GNAQ: variants seen among roughly 807,000 people sequenced by gnomAD.
The protein encoded by GNAQ is G protein subunit alpha q.
Under a neutral mutation model 43.9 loss-of-function variants are expected in GNAQ, and 8 were observed. That is an observed-to-expected ratio of 0.18 (90% CI 0.11 to 0.33). The LOEUF (loss-of-function observed/expected upper bound fraction) is 0.33, where lower values mean the gene tolerates loss of function less well. Among genes scored for constraint, GNAQ ranks in the 10% least tolerant of loss-of-function variants. GNAQ has a pLI of 1.00. For missense variants in GNAQ, 158 were observed against 450.8 expected, an observed-to-expected ratio of 0.35 and a Z score of 5.88; for synonymous variants, 155 against 170.7, an observed-to-expected ratio of 0.91 and a Z score of 0.71.
At chr9:77,922,620 T>C (rs1208961250) in intron 1 of GNAQ, among the ~76,000 whole-genome samples, 2 of 152,184 alleles carry the variant, frequency 1.3e-5, no homozygotes, top group Non-Finnish European at 2.9e-5. Context: ...TAGTGATTTG[T>C]AACCATGTAT....
At chr9:77,936,269 C>A (rs144808718) in intron 1 of GNAQ, among the ~76,000 whole-genome samples, 2 of 152,232 alleles carry the variant, frequency 1.3e-5, no homozygotes, top group East Asian at 1.9e-4. Context: ...GATATCATAA[C>A]CCAAGATATA....
chr9:77,857,263 T>C (rs1349227968), intron 2 of GNAQ, among the ~76,000 whole-genome samples: 1 of 152,240 alleles, frequency 6.6e-6, no homozygotes, highest in Non-Finnish European at 1.5e-5. Flanking sequence ...ATTACTCTGT[T>C]GTGAAATTCA....
intron 5 of GNAQ, among the ~76,000 whole-genome samples, chr9:77,782,142 C>T (rs1207051090): frequency 1.3e-5 from 2 of 151,818 alleles, no homozygotes; most frequent in African/African-American, 4.8e-5. Flanking sequence ...AACTAACCTG[C>T]ACAATGTGCA....
chr9:78,003,425 C>A (rs1823666563), intron 1 of GNAQ, among the ~76,000 whole-genome samples: 1 of 152,164 alleles, frequency 6.6e-6, no homozygotes, highest in Non-Finnish European at 1.5e-5. Context: ...TTAGCACTGA[C>A]CAGTGAGGAC....
At chr9:77,837,396 CAAA>C (rs1035275700) in intron 2 of GNAQ, among the ~76,000 whole-genome samples, 2 of 151,356 alleles carry the variant, frequency 1.3e-5, no homozygotes, top group African/African-American at 4.9e-5. Flanking sequence ...CTACTAGAAA[CAAA>C]AAAAATTAGC....
chr9:78,022,758 T>C (rs1357160715), intron 1 of GNAQ, among the ~76,000 whole-genome samples: 1 of 152,216 alleles, frequency 6.6e-6, no homozygotes, highest in Non-Finnish European at 1.5e-5. Context: ...GCATTTGCCA[T>C]CTGCAGAAAG....
intron 1 of GNAQ, among the ~76,000 whole-genome samples, chr9:77,992,154 A>G (rs569963948): frequency 4.2e-3 from 633 of 152,322 alleles, no homozygotes; most frequent in Non-Finnish European, 7.5e-3. Flanking sequence ...ACTGTTTTCC[A>G]TAGTGGTTGT....
chr9:77,946,176 G>C (rs898948538), intron 1 of GNAQ, among the ~76,000 whole-genome samples: 4 of 152,272 alleles, frequency 2.6e-5, no homozygotes, highest in East Asian at 1.9e-4. Flanking sequence ...TGCAAGAAGA[G>C]AGAAGCAACA....
chr9:77,830,222 G>A (rs114650936), intron 2 of GNAQ, among the ~76,000 whole-genome samples: 39 of 152,234 alleles, frequency 2.6e-4, no homozygotes, highest in African/African-American at 9.4e-4. Context: ...CAAAGTGCTG[G>A]GATTACAGGT....
At chr9:77,761,497 T>C in intron 5 of GNAQ, among the ~76,000 whole-genome samples, 1 of 78,782 alleles carries the variant, frequency 1.3e-5, no homozygotes, top group Non-Finnish European at 2.5e-5. Context: ...GGGAGGGAGG[T>C]GGGGAGGTCA....
intron 2 of GNAQ, among the ~76,000 whole-genome samples, chr9:77,895,185 G>A (rs1480442757): frequency 1.5e-5 from 2 of 133,316 alleles, no homozygotes; most frequent in Non-Finnish European, 1.6e-5. Flanking sequence ...GTGACAGAGC[G>A]AGACTCCATC....
intron 1 of GNAQ, among the ~76,000 whole-genome samples, chr9:77,941,313 A>G (rs1004487067): frequency 7.3e-5 from 11 of 151,640 alleles, no homozygotes; most frequent in Non-Finnish European, 1.3e-4. Context: ...GCAGTGGCGC[A>G]ATCTTGGCTC....
At chr9:77,924,880 G>A (rs979117294) in intron 1 of GNAQ, among the ~76,000 whole-genome samples, 3 of 152,044 alleles carry the variant, frequency 2.0e-5, no homozygotes, top group African/African-American at 7.2e-5. Flanking sequence ...CCAGGAGGCT[G>A]ACCAATAGGG....
intron 2 of GNAQ, among the ~76,000 whole-genome samples, chr9:77,907,274 C>T (rs1828724694): frequency 6.6e-6 from 1 of 152,052 alleles, no homozygotes; most frequent in South Asian, 2.1e-4. Context: ...TCCCTGGCTC[C>T]TAACAAAGAT....
intron 1 of GNAQ, among the ~76,000 whole-genome samples, chr9:78,011,649 G>T (rs549699047): frequency 1.3e-5 from 2 of 152,238 alleles, no homozygotes; most frequent in South Asian, 4.1e-4. Context: ...TGAATCTGAA[G>T]CATCAAAGAG....
intron 1 of GNAQ, among the ~76,000 whole-genome samples, chr9:77,983,819 G>T (rs1275405671): frequency 6.6e-6 from 1 of 151,784 alleles, no homozygotes; most frequent in African/African-American, 2.4e-5. Context: ...CTTTTAGTGG[G>T]GAGGACTCTT....
At chr9:77,957,849 C>T (rs1481666715) in intron 1 of GNAQ, among the ~76,000 whole-genome samples, 4 of 152,058 alleles carry the variant, frequency 2.6e-5, no homozygotes, top group Non-Finnish European at 5.9e-5. Flanking sequence ...ACGTGCTTGT[C>T]GCTACTAATC....
At chr9:77,876,512 TTA>T (rs1400095940) in intron 2 of GNAQ, among the ~76,000 whole-genome samples, 1 of 152,234 alleles carries the variant, frequency 6.6e-6, no homozygotes, top group East Asian at 1.9e-4. Context: ...CAGGGACTTA[TTA>T]TAATTGTTGT....
chr9:77,794,641 A>G (rs2118445038), intron 4 of GNAQ, 49 bp from the exon 5 acceptor site: 1 of 1,222,892 alleles, frequency 8.2e-7, no homozygotes, highest in Non-Finnish European at 1.2e-6. Flanking sequence ...GTAAAACTAA[A>G]AAGTCAACAT....
Sources: allele counts gnomAD v4.1 joint callset (sites outside exome capture counted in the v4.1 genomes callset), GRCh38; gene constraint gnomAD v4.1.1; transcripts MANE v1.5; gene names NCBI Gene and HGNC (gene_info 2026-07-23, HGNC 2026-07-21).